The following PCCA variants were observed in gnomAD, a reference collection of about 807,000 sequenced individuals.
The protein encoded by PCCA is propionyl-CoA carboxylase subunit alpha, also known as propionyl-CoA carboxylase alpha chain, mitochondrial.
Under a neutral mutation model 101.3 loss-of-function variants are expected in PCCA, and 74 were observed. The ratio of observed to expected loss-of-function variants is 0.73; its 90% confidence interval spans 0.61 to 0.89. The LOEUF is 0.89. Ranked by LOEUF, PCCA falls within the 40% of genes least tolerant of loss-of-function variation. The probability of loss-of-function intolerance (pLI) is 0.00; values close to 1 mark genes in which losing one functional copy is unlikely to be tolerated. For missense variants in PCCA, 891 were observed against 907.0 expected, an observed-to-expected ratio of 0.98 and a Z score of 0.23; for synonymous variants, 294 against 313.6, an observed-to-expected ratio of 0.94 and a Z score of 0.66.
chr13:100,418,105 T>C (rs1013928923), intron 19 of PCCA, among the ~76,000 whole-genome samples: 1 of 152,158 alleles, frequency 6.6e-6, no homozygotes, highest in Non-Finnish European at 1.5e-5. Flanking sequence ...ACCACTCCTG[T>C]TTTTACATCC....
At chr13:100,089,272 A>G (rs1012397999) in intron 1 of PCCA, 47 bp downstream of exon 1, 8 of 1,418,332 alleles carry the variant, frequency 5.6e-6, no homozygotes, top group South Asian at 3.1e-5. Context: ...CTGGGCTTCT[A>G]GCCGTGCCGC....
At chr13:100,493,928 C>T (rs1020434132) in intron 21 of PCCA, among the ~76,000 whole-genome samples, 4 of 152,190 alleles carry the variant, frequency 2.6e-5, no homozygotes, top group Non-Finnish European at 5.9e-5. Flanking sequence ...CGGTGGCTCA[C>T]GCCTGTAATC....
At chr13:100,508,693 C>A (rs2086253844) in intron 21 of PCCA, among the ~76,000 whole-genome samples, 1 of 152,208 alleles carries the variant, frequency 6.6e-6, no homozygotes, top group Non-Finnish European at 1.5e-5. Flanking sequence ...TTGGTTTTGG[C>A]TGCAGGCTGT....
At chr13:100,155,184 T>C in intron 5 of PCCA, 92 bp downstream of exon 5, 1 of 852,390 alleles carries the variant, frequency 1.2e-6, no homozygotes. Flanking sequence ...TAGGAAAGAA[T>C]GATTGAAAAT....
chr13:100,369,706 C>T (rs1435937577), intron 19 of PCCA, among the ~76,000 whole-genome samples: 1 of 152,182 alleles, frequency 6.6e-6, no homozygotes, highest in Non-Finnish European at 1.5e-5. Flanking sequence ...ACTCAGCTCT[C>T]TTAAAATGAA....
chr13:100,202,321 A>G (rs945874389), intron 6 of PCCA, among the ~76,000 whole-genome samples: 1 of 152,110 alleles, frequency 6.6e-6, no homozygotes, highest in African/African-American at 2.4e-5. Flanking sequence ...GTAACAGAGC[A>G]AGACCCTGTT....
intron 12 of PCCA, among the ~76,000 whole-genome samples, chr13:100,276,043 C>A (rs1482838342): frequency 6.6e-6 from 1 of 151,902 alleles, no homozygotes; most frequent in Non-Finnish European, 1.5e-5. Flanking sequence ...CAGCCAATGA[C>A]TTTATGTTGC....
chr13:100,137,337 A>G (rs1004207609), intron 4 of PCCA, among the ~76,000 whole-genome samples: 1 of 152,160 alleles, frequency 6.6e-6, no homozygotes, highest in African/African-American at 2.4e-5. Context: ...GTTAGACTTC[A>G]GTACTGTATA....
chr13:100,515,165 T>C (rs2086739362), intron 21 of PCCA, among the ~76,000 whole-genome samples: 1 of 152,244 alleles, frequency 6.6e-6, no homozygotes, highest in African/African-American at 2.4e-5. Context: ...TTGAGATGTT[T>C]TTCTTAAAGA....
At chr13:100,243,032 A>G (rs2061241529) in intron 8 of PCCA, among the ~76,000 whole-genome samples, 1 of 152,112 alleles carries the variant, frequency 6.6e-6, no homozygotes, top group African/African-American at 2.4e-5. Context: ...CTTAGCTGGG[A>G]CTACAGGCAT....
intron 18 of PCCA, among the ~76,000 whole-genome samples, chr13:100,348,507 A>G (rs2152769731): frequency 6.6e-6 from 1 of 152,286 alleles, no homozygotes; most frequent in East Asian, 1.9e-4. Context: ...AAAGCTAGTT[A>G]TATTAAACAA....
intron 1 of PCCA, among the ~76,000 whole-genome samples, chr13:100,101,759 G>A (rs954847046): frequency 6.6e-6 from 1 of 151,780 alleles, no homozygotes; most frequent in Admixed American, 6.6e-5. Flanking sequence ...ACCATGCCCC[G>A]CTAATTTTTT....
intron 4 of PCCA, among the ~76,000 whole-genome samples, chr13:100,148,869 G>T (rs1175294550): frequency 6.6e-6 from 1 of 152,000 alleles, no homozygotes; most frequent in Non-Finnish European, 1.5e-5. Context: ...TTACCACTTT[G>T]AAAATCATGT....
chr13:100,481,766 T>C (rs1001604739), intron 21 of PCCA, among the ~76,000 whole-genome samples: 5 of 152,140 alleles, frequency 3.3e-5, no homozygotes, highest in African/African-American at 1.2e-4. Flanking sequence ...TTAAAACTTA[T>C]ACATTGTTTA....
chr13:100,121,635 C>T (rs7333194), intron 4 of PCCA, among the ~76,000 whole-genome samples: 17,120 of 151,690 alleles, frequency 0.11, 1,103 homozygotes, highest in Middle Eastern at 0.17. Flanking sequence ...CCACCACACC[C>T]GGCTAATTTT....
At chr13:100,221,032 T>C (rs1394961405) in intron 7 of PCCA, among the ~76,000 whole-genome samples, 1 of 152,224 alleles carries the variant, frequency 6.6e-6, no homozygotes, top group Non-Finnish European at 1.5e-5. Flanking sequence ...AATTGTGTTC[T>C]ATTTGGATGA....
intron 8 of PCCA, among the ~76,000 whole-genome samples, chr13:100,243,076 A>G (rs546701912): frequency 2.0e-5 from 3 of 152,252 alleles, no homozygotes; most frequent in Non-Finnish European, 4.4e-5. Context: ...TTGTATTTTT[A>G]ATAGATACAA....
At chr13:100,450,612 C>T (rs1476995201) in intron 21 of PCCA, among the ~76,000 whole-genome samples, 3 of 151,956 alleles carry the variant, frequency 2.0e-5, no homozygotes, top group African/African-American at 7.3e-5. Flanking sequence ...GCAAGAATAT[C>T]AAGAGGTATT....
At chr13:100,522,371 A>G (rs921705374) in intron 22 of PCCA, among the ~76,000 whole-genome samples, 7 of 152,304 alleles carry the variant, frequency 4.6e-5, no homozygotes, top group South Asian at 2.1e-4. Context: ...TCAAAATACC[A>G]TCCATCAGGA....
Sources: gnomAD v4.1 joint callset for allele counts (sites outside exome capture counted in the v4.1 genomes callset) on GRCh38, gnomAD v4.1.1 for gene constraint, MANE v1.5 for transcripts, NCBI Gene and HGNC (gene_info 2026-07-23, HGNC 2026-07-21) for gene names.